SV2A: variants seen among roughly 807,000 people sequenced by gnomAD.
The protein encoded by SV2A is synaptic vesicle glycoprotein 2A, also known as solute carrier family 22 member B1.
Under a neutral mutation model 78.0 loss-of-function variants are expected in SV2A, and 25 were observed. The ratio of observed to expected loss-of-function variants is 0.32; its 90% CI spans 0.23 to 0.45. SV2A has a LOEUF of 0.45. SV2A is among the 20% of genes least tolerant of loss of function. The probability of loss-of-function intolerance (pLI) is 1.00; values close to 1 mark genes in which losing one functional copy is unlikely to be tolerated. For synonymous variants in SV2A, 355 were observed against 384.7 expected, an observed-to-expected ratio of 0.92 and a Z score of 0.90; for missense variants, 752 against 971.5, an observed-to-expected ratio of 0.77 and a Z score of 3.00.
rs369122408 is a variant in SV2A, at chr1:149,906,848, C to T, written c.1687G>A (p.Glu563Lys). ...NTVFYNTDLF[E>K]YKFVNSRLIN... ...AGACGGCTGTTCACAAACTTGTACT[C>T]GAACAGGTCTGTGGGCAAAGGCCAA... The change falls in exon 11 of 13, where the codon GAG becomes AAG. Residue 563 changes from glutamate (E) to lysine (K), a missense_variant. Coordinates refer to ENST00000369146, the MANE Select transcript of SV2A (RefSeq NM_014849.5). 189 of 1,614,164 alleles carry T rather than the reference C, an allele frequency of 1.2e-4. No homozygotes were observed. Among genetic ancestry groups the T allele is most frequent in the East Asian group, 5.6e-4 (25 of 44,884 alleles).
In SV2A at chr1:149,910,044, A is replaced by G. The variant is rs1208133981; in HGVS notation, c.1090-154T>C. The stretch of plus-strand genomic sequence containing the variant: ...ACCAAGCCCTGACCTATGGGCATGC[A>G]CTCACCACTCTGAAAGAGCCCCAAG... On this transcript the variant is annotated intron_variant, in intron 5 of 12. Coordinates refer to ENST00000369146, the MANE Select transcript of SV2A (RefSeq NM_014849.5). This position sits in a 1 kb window ranked among gnomAD's most constrained non-coding sequence, Gnocchi z 4.2. 6.6e-6 allele frequency among the ~76,000 whole-genome samples: 1 copy of G among 152,028 alleles called. No individual in the cohort carries two copies. The highest frequency in any genetic ancestry group is 1.5e-5 in the Non-Finnish European group (1 of 67,998).
At position 149,909,442 on chromosome 1, in the gene SV2A, C is replaced by T; in HGVS notation, c.1290+19G>A. 2 of 1,603,806 alleles carry T rather than the reference C, an allele frequency of 1.2e-6. No individual in the cohort carries two copies. The highest frequency in any genetic ancestry group is 1.7e-6 in the Non-Finnish European group (2 of 1,171,022). ...CACTTCCCCCACTCCCTTCTATCTA[C>T]CACCCCGTCCACCATTACCTGCCCC... On this transcript the variant is annotated intron_variant, in intron 7 of 12. Transcript: ENST00000369146.
chr1:149,906,664 C>T lies in SV2A; in HGVS notation c.1871G>A (p.Arg624Lys). 1.2e-6 allele frequency: 2 copies of T among 1,614,212 alleles called. No individual in the cohort carries two copies. Among genetic ancestry groups the T allele is most frequent in the Non-Finnish European group, 1.7e-6 (2 of 1,180,044 alleles). The change falls in exon 11 of 13, where the codon AGG becomes AAG. Residue 624 changes from arginine (R) to lysine (K), a missense_variant. Coordinates refer to ENST00000369146, the MANE Select transcript of SV2A (RefSeq NM_014849.5). ...CTCCCCCTTACCAAGCATTCTGAGC[C>T]TGCCGATCTTGTCCATGAGCAGGGC... ...VSALLMDKIGRLRMLAGSSVM... is the reference protein window; with the variant it reads ...VSALLMDKIGKLRMLAGSSVM...
Position 149,910,592 on chromosome 1 carries a change from T to C in SV2A, c.1067A>G (p.Glu356Gly). ...CACCTCTAGGAAGAAACGGGGGCTC[T>C]CAGGCTGCGTGGTCAGAGCCCCAAT... Reference protein sequence around the residue: ...FAIGALTTQPESPRFFLENGK... With the variant: ...FAIGALTTQPGSPRFFLENGK... The change falls in exon 5 of 13, where the codon GAG becomes GGG. Residue 356 changes from glutamate (E) to glycine (G), a missense_variant. Glu to Gly is a moderately conservative substitution (Grantham distance 98, BLOSUM62 -2). Around this residue, in one of 7 missense-constraint regions of SV2A, gnomAD observed 136 missense variants for 132.3 expected, o/e 1.03. Transcript: ENST00000369146. The surrounding 1 kb of genome is among the most constrained non-coding windows in gnomAD (Gnocchi z 4.2). 6.2e-7 allele frequency: 1 copy of C among 1,610,962 alleles called. No homozygotes were observed. The highest frequency in any genetic ancestry group is 8.5e-7 in the Non-Finnish European group (1 of 1,178,606).
intron 6 of SV2A, 107 bp from the exon 7 acceptor site, chr1:149,909,678 A>T: frequency 7.0e-7 from 1 of 1,434,754 alleles, no homozygotes; most frequent in Admixed American, 1.7e-5. Context: ...GGAGGTGGAT[A>T]TGATACCCTG....
At chr1:149,909,429 T>G (rs1236503817) in intron 7 of SV2A, 32 bp downstream of exon 7, 1 of 1,587,146 alleles carries the variant, frequency 6.3e-7, no homozygotes, top group Non-Finnish European at 8.6e-7. Flanking sequence ...CTTCCCCCAC[T>G]CCCTTCTATC....
chr1:149,913,219 C>T lies in SV2A; in HGVS notation c.622G>A (p.Gly208Ser), dbSNP rs2092486716. The T allele has an allele frequency of 3.7e-6, 6 of 1,612,510 alleles. No homozygotes were observed. The highest frequency in any genetic ancestry group is 4.2e-6 in the Non-Finnish European group (5 of 1,179,392). Residue 208 changes from glycine (G) to serine (S), a missense_variant and splice_region_variant, in exon 2 of 13, where the codon GGC becomes AGC. Physicochemically the swap from Gly to Ser is moderately conservative, Grantham distance 56. Around this residue, in one of 7 missense-constraint regions of SV2A, gnomAD observed 291 missense variants for 359.5 expected, o/e 0.81. Transcript: ENST00000369146. ...CLSDSNKGMLGLIVYLGMMVG... is the reference protein window; with the variant it reads ...CLSDSNKGMLSLIVYLGMMVG... ...AAGGCTGGAGCCCCCCATGTCTTAC[C>T]TAGCATGCCTTTGTTGGAGTCGGAC...
In SV2A at chr1:149,913,340, T is replaced by C. The variant is rs1367006346; in HGVS notation, c.501A>G (p.Thr167=). The C allele has an allele frequency of 1.9e-6, 3 of 1,613,974 alleles. No individual in the cohort carries two copies. Among genetic ancestry groups the C allele is most frequent in the Middle Eastern group, 1.6e-4 (1 of 6,084 alleles). Residue 167 remains threonine (T), a synonymous_variant, in exon 2 of 13, where the codon ACA becomes ACG. Transcript: ENST00000369146. ...GCGCCAGACCAAGCACAAAATACAG[T>C]GTCCACTGGAAGCGGCCGTGGCCAC... is the stretch of plus-strand genomic sequence containing the variant. ...RECGHGRFQW[T]LYFVLGLALM...
chr1:149,910,024 G>T lies in SV2A; in HGVS notation c.1090-134C>A. On this transcript the variant is annotated intron_variant, in intron 5 of 12. Coordinates refer to ENST00000369146, the MANE Select transcript of SV2A (RefSeq NM_014849.5). The surrounding 1 kb of genome is among the most constrained non-coding windows in gnomAD (Gnocchi z 4.2). ...TCCCAGCCCTCAACCCCACCACCAA[G>T]CCCTGACCTATGGGCATGCACTCAC... 4 of 776,620 alleles carry T rather than the reference G, an allele frequency of 5.2e-6. No homozygotes were observed. Among genetic ancestry groups the T allele is most frequent in the South Asian group, 1.6e-5 (1 of 62,342 alleles). 48.1% of individuals were successfully genotyped at this position (776,620 alleles called of 1,614,324 possible). A position where few individuals can be genotyped will look rare whatever the true frequency, so the allele number is the denominator to read the frequency against.
chr1:149,915,897 A>ACG (rs1553764477), intron 1 of SV2A, among the ~76,000 whole-genome samples: 1 of 151,872 alleles, frequency 6.6e-6, no homozygotes, highest in African/African-American at 2.4e-5. Flanking sequence ...TAAAACACAC[A>ACG]CACACACACA....
At position 149,908,120 on chromosome 1, in the gene SV2A, C is replaced by G. The variant is rs782565761; in HGVS notation, c.1466G>C (p.Gly489Ala). The change falls in exon 9 of 13, where the codon GGG (glycine) becomes GCG (alanine). Residue 489 changes from glycine to alanine, a missense_variant. Gly to Ala is a moderately conservative substitution (Grantham distance 60, BLOSUM62 0). This residue lies in a region of SV2A where 81 missense variants were observed against 74.2 expected (regional missense o/e 1.09). Transcript: ENST00000369146. ...AAAAGTTACATGCTCTACGCGCTCC[C>G]CGGGGAACACTTTGGTGCGGGATGC... is the stretch of plus-strand genomic sequence containing the variant. Reference protein sequence around the residue: ...DYASRTKVFPGERVEHVTFNF... With the variant: ...DYASRTKVFPAERVEHVTFNF... 6 of 1,614,210 alleles carry G rather than the reference C, an allele frequency of 3.7e-6. No homozygotes were observed. The highest frequency in any genetic ancestry group is 5.1e-6 in the Non-Finnish European group (6 of 1,180,036).
In SV2A at chr1:149,913,473, C is replaced by A. The variant is rs372412744; in HGVS notation, c.368G>T (p.Arg123Met). 3 of 1,613,658 alleles carry A rather than the reference C, an allele frequency of 1.9e-6. No individual in the cohort carries two copies. Among genetic ancestry groups the A allele is most frequent in the Non-Finnish European group, 1.7e-6 (2 of 1,179,892 alleles). ...MADGAPLAGV[R>M]GGLSDGEGPP... ...ACCCTCCCCATCACTCAAGCCCCCCCTTACTCCAGCCAGGGGCGCCCCATC... is the reference window on the plus strand; with the variant it reads ...ACCCTCCCCATCACTCAAGCCCCCCATTACTCCAGCCAGGGGCGCCCCATC... The change falls in exon 2 of 13, where the codon AGG becomes ATG. Residue 123 changes from arginine (R) to methionine (M), a missense_variant. Arg to Met is a moderately conservative substitution (Grantham distance 91). This residue lies in a region of SV2A where 291 missense variants were observed against 359.5 expected (regional missense o/e 0.81). Transcript: ENST00000369146.
Position 149,907,708 on chromosome 1 carries a change from T to C in SV2A, c.1670A>G (p.Tyr557Cys). 3 of 1,613,922 alleles carry C rather than the reference T, an allele frequency of 1.9e-6. No homozygotes were observed. The highest frequency in any genetic ancestry group is 1.7e-4 in the Middle Eastern group (1 of 6,060). Residue 557 changes from tyrosine (Y) to cysteine (C), a missense_variant, in exon 10 of 13, where the codon TAT becomes TGT. Transcript: ENST00000369146. ...RNCTFINTVF[Y>C]NTDLFEYKFV... Reference sequence around the variant, plus strand: ...CAGCCACCCCGCCTTACCAGTGTTATAGAACACAGTGTTGATGAATGTGCA... The same window carrying C: ...CAGCCACCCCGCCTTACCAGTGTTACAGAACACAGTGTTGATGAATGTGCA...
intron 3 of SV2A, 34 bp downstream of exon 3, chr1:149,911,766 C>G: frequency 6.2e-7 from 1 of 1,603,536 alleles, no homozygotes; most frequent in Non-Finnish European, 8.5e-7. Context: ...AGGCACAGTC[C>G]TGCCCTCAAG....
At chr1:149,915,388 T>C (rs1234904054) in intron 1 of SV2A, among the ~76,000 whole-genome samples, 7 of 152,116 alleles carry the variant, frequency 4.6e-5, no homozygotes, top group Non-Finnish European at 1.5e-5. Context: ...CCACATTAAC[T>C]ACCTCCAGAA....
chr1:149,911,880 G>A lies in SV2A; in HGVS notation c.723C>T (p.Val241=). Residue 241 remains valine, a synonymous_variant, in exon 3 of 13, where the codon GTC becomes GTT. Coordinates refer to ENST00000369146, the MANE Select transcript of SV2A (RefSeq NM_014849.5). The part of the protein sequence containing the change: ...RRQCLLISLS[V]NSVFAFFSSF... ...ATGAGAAGAAGGCGAAGACGCTGTT[G>A]ACTGAGAGCGAGATGAGCAGACACT... The A allele has an allele frequency of 6.2e-7, 1 of 1,614,200 alleles. No individual in the cohort carries two copies. The highest frequency in any genetic ancestry group is 8.5e-7 in the Non-Finnish European group (1 of 1,180,050).
Position 149,910,084 on chromosome 1 carries a change from G to A in SV2A, c.1090-194C>T, listed in dbSNP as rs1339834454. On this transcript the variant is annotated intron_variant, in intron 5 of 12. Transcript: ENST00000369146. The surrounding 1 kb of genome is among the most constrained non-coding windows in gnomAD (Gnocchi z 4.2). ...AGAGCCCCAAGCTGAGGTATAGCAA[G>A]ACAATCAGACTTGGGCAAGAGCTGC... Among the ~76,000 whole-genome samples the A allele has an allele frequency of 6.6e-6, 1 of 152,188 alleles. No individual in the cohort carries two copies. The highest frequency in any genetic ancestry group is 6.5e-5 in the Admixed American group (1 of 15,280).
intron 8 of SV2A, 129 bp downstream of exon 8, chr1:149,909,063 G>A: frequency 1.2e-6 from 1 of 820,370 alleles, no homozygotes; most frequent in South Asian, 1.5e-5. Context: ...GCTGGCTGCA[G>A]GATCAGAGGG....
In SV2A at chr1:149,904,938, G is replaced by T; in HGVS notation, c.*76C>A. ...GAGTGAGGGCTCTGGAGGTCAGGAT[G>T]GCAGGGCAGGGAGGGGAAGGAAGGA... On this transcript the variant is annotated 3_prime_UTR_variant, in exon 13 of 13. Coordinates refer to ENST00000369146, the MANE Select transcript of SV2A (RefSeq NM_014849.5). 6.8e-7 allele frequency: 1 copy of T among 1,467,680 alleles called. No individual in the cohort carries two copies. The highest frequency in any genetic ancestry group is 9.2e-7 in the Non-Finnish European group (1 of 1,090,594). 90.9% of individuals were successfully genotyped at this position (1,467,680 alleles called of 1,614,324 possible).
Sources: allele counts gnomAD v4.1 joint callset (sites outside exome capture counted in the v4.1 genomes callset), GRCh38; gene constraint gnomAD v4.1.1; regional missense constraint gnomAD v4.1.1; non-coding constraint Gnocchi (gnomAD v3.1); transcripts MANE v1.5; gene names NCBI Gene and HGNC (gene_info 2026-07-23, HGNC 2026-07-21).